COL19A1: variants seen among roughly 807,000 people sequenced by gnomAD.
COL19A1 encodes collagen type XIX alpha 1 chain, also known as collagen alpha-1(XIX) chain.
A neutral mutation model predicts 190.2 loss-of-function variants in COL19A1; 159 were observed. The observed-to-expected ratio is 0.84, with a 90% confidence interval of 0.73 to 0.95. The LOEUF is 0.95. COL19A1 is among the 40% of genes least tolerant of loss of function. The pLI is 0.00. For missense variants in COL19A1, 1,418 were observed against 1,431.9 expected (o/e 0.99, Z 0.16); for synonymous variants, 509 against 458.9 (o/e 1.11, Z -1.39).
At chr6:70,038,240 A>G (rs1026000203) in intron 14 of COL19A1, among the ~76,000 whole-genome samples, 2 of 152,226 alleles carry the variant, frequency 1.3e-5, no homozygotes, top group African/African-American at 4.8e-5. Flanking sequence ...AACTAGCTCC[A>G]CGCTAAAATC....
chr6:69,878,502 C>G (rs912408016), intron 1 of COL19A1, among the ~76,000 whole-genome samples: 1 of 152,078 alleles, frequency 6.6e-6, no homozygotes, highest in African/African-American at 2.4e-5. Context: ...CATGAGCCAC[C>G]ACGCTCGGCC....
intron 14 of COL19A1, among the ~76,000 whole-genome samples, chr6:70,066,274 A>G (rs1170258339): frequency 1.3e-5 from 2 of 152,222 alleles, no homozygotes; most frequent in African/African-American, 4.8e-5. Flanking sequence ...CAGCCATAAA[A>G]AAGGATGAGT....
chr6:69,945,043 A>G (rs767712238), intron 9 of COL19A1, among the ~76,000 whole-genome samples: 7 of 151,954 alleles, frequency 4.6e-5, no homozygotes, highest in Non-Finnish European at 8.8e-5. Flanking sequence ...CCTTGTTAAT[A>G]CCCTCACCCA....
At chr6:70,086,204 T>C (rs1309790957) in intron 15 of COL19A1, among the ~76,000 whole-genome samples, 1 of 152,072 alleles carries the variant, frequency 6.6e-6, no homozygotes, top group African/African-American at 2.4e-5. Flanking sequence ...TTTGGAAATG[T>C]TACCTATCCA....
At chr6:70,029,895 GT>G (rs1169700513) in intron 12 of COL19A1, among the ~76,000 whole-genome samples, 1 of 152,100 alleles carries the variant, frequency 6.6e-6, no homozygotes, top group Non-Finnish European at 1.5e-5. Context: ...CATTTATTAA[GT>G]GCCTACCGTA....
At chr6:69,954,493 A>T (rs936424906) in intron 9 of COL19A1, among the ~76,000 whole-genome samples, 1 of 152,096 alleles carries the variant, frequency 6.6e-6, no homozygotes, top group African/African-American at 2.4e-5. Flanking sequence ...CCCCAATGCC[A>T]GCAACACTTC....
chr6:70,081,355 C>A (rs1414047327), intron 15 of COL19A1, among the ~76,000 whole-genome samples: 1 of 152,088 alleles, frequency 6.6e-6, no homozygotes, highest in East Asian at 1.9e-4. Context: ...TGCTTTCTTT[C>A]TTTACCACAT....
intron 14 of COL19A1, among the ~76,000 whole-genome samples, chr6:70,065,298 A>C (rs2150146825): frequency 6.6e-6 from 1 of 152,310 alleles, no homozygotes; most frequent in South Asian, 2.1e-4. Flanking sequence ...CTCAGAAATA[A>C]TACCACACAT....
At chr6:69,995,522 A>T (rs1776854102) in intron 11 of COL19A1, among the ~76,000 whole-genome samples, 1 of 146,006 alleles carries the variant, frequency 6.8e-6, no homozygotes, top group Admixed American at 6.9e-5. Context: ...AAACCGTGTG[A>T]TTTTTTTTTT....
At chr6:70,143,799 T>A (rs1391357616) in intron 23 of COL19A1, among the ~76,000 whole-genome samples, 1 of 151,960 alleles carries the variant, frequency 6.6e-6, no homozygotes, top group African/African-American at 2.4e-5. Flanking sequence ...AAACTGAGAC[T>A]AAGTGATAGT....
chr6:70,065,655 A>G (rs1373180510), intron 14 of COL19A1, among the ~76,000 whole-genome samples: 1 of 152,252 alleles, frequency 6.6e-6, no homozygotes, highest in Non-Finnish European at 1.5e-5. Flanking sequence ...AGAAACTGCC[A>G]TCAGAGTGAA....
chr6:70,172,867 A>G (rs892302125), intron 41 of COL19A1, among the ~76,000 whole-genome samples: 10 of 152,190 alleles, frequency 6.6e-5, no homozygotes, highest in Non-Finnish European at 1.3e-4. Context: ...GCAAGGGTGG[A>G]AGTAGGGAAG....
chr6:69,980,473 C>G (rs1189573260), intron 11 of COL19A1, among the ~76,000 whole-genome samples: 2 of 151,926 alleles, frequency 1.3e-5, no homozygotes, highest in African/African-American at 4.8e-5. Context: ...TTTGTGTAAT[C>G]CAGGATTAAG....
At chr6:70,096,613 A>G (rs1582900876) in intron 15 of COL19A1, among the ~76,000 whole-genome samples, 1 of 152,336 alleles carries the variant, frequency 6.6e-6, no homozygotes, top group East Asian at 1.9e-4. Flanking sequence ...TTTCCAGTCC[A>G]GGTGCTCTTG....
Position 70,017,256 on chromosome 6 carries a change from A to G in COL19A1, c.1027-6371A>G, listed in dbSNP as rs571705747. ...GGCTACATATTGTATAATTCTATTT[A>G]TATGAAATTTCTAGAAAAAAGCAAA... On this transcript the variant is annotated intron_variant, in intron 11 of 50. Coordinates refer to ENST00000620364, the MANE Select transcript of COL19A1 (RefSeq NM_001858.6). Among the ~76,000 whole-genome samples, 7 of 152,264 alleles carry G rather than the reference A, an allele frequency of 4.6e-5. No individual in the cohort carries two copies. In the Middle Eastern group the frequency reaches 0.014, roughly 296 times the overall value.
At chr6:70,172,614 C>G (rs907203049) in intron 41 of COL19A1, among the ~76,000 whole-genome samples, 2 of 152,064 alleles carry the variant, frequency 1.3e-5, no homozygotes, top group Non-Finnish European at 2.9e-5. Context: ...AGAGTAAGCA[C>G]CTAAAAACAT....
intron 15 of COL19A1, among the ~76,000 whole-genome samples, chr6:70,100,306 G>T (rs540496827): frequency 6.6e-6 from 1 of 152,180 alleles, no homozygotes; most frequent in Non-Finnish European, 1.5e-5. Context: ...CCTCAGAGGC[G>T]AATTTACTTA....
intron 31 of COL19A1, among the ~76,000 whole-genome samples, chr6:70,154,278 G>A (rs1049425826): frequency 6.6e-6 from 1 of 152,096 alleles, no homozygotes; most frequent in Non-Finnish European, 1.5e-5. Context: ...TCCCTGCAAA[G>A]GACATGAACT....
chr6:69,951,472 C>T (rs1446771551), intron 9 of COL19A1, among the ~76,000 whole-genome samples: 1 of 151,850 alleles, frequency 6.6e-6, no homozygotes, highest in Non-Finnish European at 1.5e-5. Flanking sequence ...TACACTTCAT[C>T]TTAGCCAAAA....
Sources: allele counts gnomAD v4.1 joint callset (sites outside exome capture counted in the v4.1 genomes callset), GRCh38; gene constraint gnomAD v4.1.1; transcripts MANE v1.5; gene names NCBI Gene and HGNC (gene_info 2026-07-23, HGNC 2026-07-21).